The following SGCD variants were observed in gnomAD, a reference collection of about 807,000 sequenced individuals.
SGCD encodes the protein delta-sarcoglycan.
A neutral mutation model predicts 36.6 loss-of-function variants in SGCD; 18 were observed. The observed-to-expected ratio is 0.49, with a 90% CI of 0.34 to 0.73. SGCD has a LOEUF of 0.73. Ranked by LOEUF, SGCD falls within the 30% of genes least tolerant of loss-of-function variation. The pLI is 0.01. For missense variants in SGCD, 387 were observed against 346.7 expected (o/e 1.12, Z -0.92); for synonymous variants, 133 against 130.6 (o/e 1.02, Z -0.12).
At chr5:156,751,230 G>C (rs1757139287) in intron 7 of SGCD, among the ~76,000 whole-genome samples, 1 of 152,212 alleles carries the variant, frequency 6.6e-6, no homozygotes, top group Non-Finnish European at 1.5e-5. Context: ...TATTATTTAT[G>C]ATGGACCTAA....
chr5:156,093,197 A>G (rs1275156309), intron 1 of SGCD, among the ~76,000 whole-genome samples: 2 of 152,096 alleles, frequency 1.3e-5, no homozygotes, highest in Non-Finnish European at 2.9e-5. Context: ...CCTTTCTACA[A>G]TAGGCCCATT....
At chr5:156,523,928 C>T (rs1331222846) in intron 4 of SGCD, among the ~76,000 whole-genome samples, 1 of 150,554 alleles carries the variant, frequency 6.6e-6, no homozygotes, top group Non-Finnish European at 1.5e-5. Context: ...TTCTTAGAAA[C>T]TGCAACTTTA....
Position 156,269,469 on chromosome 5 carries a change from CAAAAAAAAAAAAAAAAAAAAAAAAA to C in SGCD, c.-43-60048_-43-60024del, listed in dbSNP as rs60893052. On this transcript the variant is annotated intron_variant, in intron 3 of 9. Transcript: ENST00000517913. ...TAGGGGACAGAGTGAGACTCCGTCT[CAAAAAAAAAAAAAAAAAAAAAAAAA>C]AAAAAAAAAAAAAAAACCATCAGAT... 1.7e-3 allele frequency among the ~76,000 whole-genome samples: 53 copies of C among 30,474 alleles called. 1 individual carries two copies. In the South Asian group the frequency reaches 0.051, roughly 29 times the overall value. 20.0% of individuals were successfully genotyped at this position (30,474 alleles called of 152,430 possible). A position where few individuals can be genotyped will look rare whatever the true frequency, so the allele number is the denominator to read the frequency against.
intron 2 of SGCD, among the ~76,000 whole-genome samples, chr5:156,344,259 G>C (rs1056163597): frequency 6.6e-6 from 1 of 152,138 alleles, no homozygotes; most frequent in Non-Finnish European, 1.5e-5. Context: ...GACTGTGGCT[G>C]TATCAGTGCA....
At chr5:156,068,554 G>C (rs935796460) in intron 1 of SGCD, among the ~76,000 whole-genome samples, 11 of 151,770 alleles carry the variant, frequency 7.2e-5, no homozygotes, top group African/African-American at 2.7e-4. Flanking sequence ...CCAAGTCTTT[G>C]CTATTGTGAA....
intron 4 of SGCD, among the ~76,000 whole-genome samples, chr5:156,548,238 A>G (rs1758658378): frequency 6.6e-6 from 1 of 152,198 alleles, no homozygotes; most frequent in African/African-American, 2.4e-5. Context: ...TGGCAAGATG[A>G]ATATGCTCAG....
rs70984404 is a variant in SGCD at position 156,333,783 on chromosome 5, A to ATTTTTTT, written c.3+4235_3+4241dup. Among the ~76,000 whole-genome samples the ATTTTTTT allele has an allele frequency of 3.2e-3, 63 of 19,958 alleles. 11 individuals are homozygous for ATTTTTTT. Among genetic ancestry groups the ATTTTTTT allele is most frequent in the Non-Finnish European group, 3.7e-3 (39 of 10,468 alleles). The allele number at this position is 19,958 out of a possible 152,430, so 13.1% of individuals were successfully genotyped here. A position where few individuals can be genotyped will look rare whatever the true frequency, so the allele number is the denominator to read the frequency against. On this transcript the variant is annotated intron_variant, in intron 2 of 8. Transcript: ENST00000337851. ...GTGCTTTCTTTATGTTAGAAAAGTG[A>ATTTTTTT]TTTTTTTTTTTTTTTTTTTTTTTTT...
At chr5:156,629,602 A>G (rs1185917785) in intron 6 of SGCD, among the ~76,000 whole-genome samples, 3 of 152,206 alleles carry the variant, frequency 2.0e-5, no homozygotes, top group East Asian at 1.9e-4. Flanking sequence ...CAAAGATGCA[A>G]TAATCTAGGC....
chr5:156,321,269 A>G (rs1011177876), intron 3 of SGCD, among the ~76,000 whole-genome samples: 1 of 151,958 alleles, frequency 6.6e-6, no homozygotes, highest in Admixed American at 6.5e-5. Context: ...AATACAAAAA[A>G]ATTAGCCAGG....
At chr5:156,324,972 A>G (rs1017486796), upstream of SGCD, among the ~76,000 whole-genome samples, 1 of 152,178 alleles carries the variant, frequency 6.6e-6, no homozygotes, top group East Asian at 1.9e-4. Context: ...ATTTCCAAAC[A>G]TGAACATTGT....
intron 3 of SGCD, among the ~76,000 whole-genome samples, chr5:156,288,225 T>C (rs1192305575): frequency 6.6e-6 from 1 of 152,170 alleles, no homozygotes; most frequent in Admixed American, 6.6e-5. Flanking sequence ...TCTCTGTGTT[T>C]TTTGAGTACT....
the SGCD span, among the ~76,000 whole-genome samples, chr5:155,805,159 C>T: frequency 6.6e-6 from 1 of 152,146 alleles, no homozygotes; most frequent in African/African-American, 2.4e-5. Context: ...ATAAATTTAA[C>T]ATTTACAGTG....
the SGCD span, among the ~76,000 whole-genome samples, chr5:155,794,895 C>T: frequency 6.6e-6 from 1 of 151,898 alleles, no homozygotes; most frequent in Non-Finnish European, 1.5e-5. Context: ...CTGATGACAA[C>T]CATAAGAAGA....
At chr5:156,696,204 C>T (rs1044340461) in intron 7 of SGCD, among the ~76,000 whole-genome samples, 7 of 152,166 alleles carry the variant, frequency 4.6e-5, no homozygotes, top group Non-Finnish European at 1.0e-4. Flanking sequence ...GTCATTGAGA[C>T]TTAGTTTCCA....
At chr5:156,448,899 C>G (rs1440743177) in intron 3 of SGCD, among the ~76,000 whole-genome samples, 3 of 151,552 alleles carry the variant, frequency 2.0e-5, no homozygotes, top group Non-Finnish European at 4.4e-5. Context: ...CAGGCATGCC[C>G]CAACCCCACC....
At chr5:156,140,415 G>A (rs976021731) in intron 3 of SGCD, among the ~76,000 whole-genome samples, 1 of 152,176 alleles carries the variant, frequency 6.6e-6, no homozygotes, top group Non-Finnish European at 1.5e-5. Flanking sequence ...AAATGTGGAT[G>A]CTGAAAGACC....
chr5:156,594,219 G>T (rs1760835411), intron 5 of SGCD, among the ~76,000 whole-genome samples: 1 of 152,110 alleles, frequency 6.6e-6, no homozygotes, highest in South Asian at 2.1e-4. Context: ...ATGTATATTG[G>T]TGTGTCTCCA....
chr5:156,343,931 G>A (rs996302999), intron 2 of SGCD, among the ~76,000 whole-genome samples: 1 of 152,132 alleles, frequency 6.6e-6, no homozygotes, highest in Non-Finnish European at 1.5e-5. Context: ...AATCAAGTGG[G>A]GTTCCAGCTG....
the SGCD span, among the ~76,000 whole-genome samples, chr5:155,857,016 T>C: frequency 6.6e-6 from 1 of 152,194 alleles, no homozygotes; most frequent in South Asian, 2.1e-4. Context: ...GGTGGATTAC[T>C]TGGGGTCCGG....
Sources: gnomAD v4.1 joint callset for allele counts (sites outside exome capture counted in the v4.1 genomes callset) on GRCh38, gnomAD v4.1.1 for gene constraint, MANE v1.5 for transcripts, NCBI Gene and HGNC (gene_info 2026-07-23, HGNC 2026-07-21) for gene names.